NR2C2: variants seen among roughly 807,000 people sequenced by gnomAD.
The protein encoded by NR2C2 is nuclear receptor subfamily 2 group C member 2.
A neutral mutation model predicts 62.9 loss-of-function variants in NR2C2; 6 were observed. The observed-to-expected ratio is 0.10, with a 90% CI of 0.05 to 0.19. The LOEUF (loss-of-function observed/expected upper bound fraction) is 0.19. Ranked by LOEUF, NR2C2 falls within the 10% of genes least tolerant of loss-of-function variation. The pLI, the probability that NR2C2 is intolerant of heterozygous loss-of-function variation, is 1.00. For synonymous variants in NR2C2, 272 were observed against 273.8 expected (o/e 0.99, Z 0.07); for missense variants, 479 against 762.7 (o/e 0.63, Z 4.38).
At chr3:15,006,913 T>A (rs938912559) in intron 2 of NR2C2, among the ~76,000 whole-genome samples, 3 of 149,986 alleles carry the variant, frequency 2.0e-5, no homozygotes, top group African/African-American at 4.9e-5. Context: ...ATAGCTGGGA[T>A]TACAGACATG....
chr3:15,023,301 C>A lies in NR2C2; in HGVS notation c.658C>A (p.Pro220Thr). 1 of 1,614,184 alleles carries A rather than the reference C, an allele frequency of 6.2e-7. No individual in the cohort carries two copies. The highest frequency in any genetic ancestry group is 8.5e-7 in the Non-Finnish European group (1 of 1,180,016). ...CTATATCCGGAAAGACCTGAGAAGT[C>A]CCCTGATAGCTACTCCCACGTTTGT... ...KIYIRKDLRSPLIATPTFVAD... is the reference protein window; with the variant it reads ...KIYIRKDLRSTLIATPTFVAD... Residue 220 changes from proline (P) to threonine (T), a missense_variant, in exon 6 of 14, where the codon CCC (proline) becomes ACC (threonine). Pro to Thr is a conservative substitution (Grantham distance 38). Coordinates refer to ENST00000425241, the MANE Select transcript of NR2C2 (RefSeq NM_001291694.2).
chr3:14,948,081 C>T (rs964810029), intron 1 of NR2C2, 175 bp downstream of exon 1: 7 of 152,146 alleles, frequency 4.6e-5, no homozygotes, highest in African/African-American at 1.4e-4. Flanking sequence ...CCCCTCCCCT[C>T]CCCGCCCGCG....
At chr3:14,971,125 T>C (rs1225853995) in intron 1 of NR2C2, among the ~76,000 whole-genome samples, 28 of 152,182 alleles carry the variant, frequency 1.8e-4, no homozygotes, top group Admixed American at 1.8e-3. Flanking sequence ...TTTTTTTATT[T>C]TTTATTTTTT....
chr3:14,995,558 A>G (rs1359996743), intron 1 of NR2C2, among the ~76,000 whole-genome samples: 1 of 152,084 alleles, frequency 6.6e-6, no homozygotes, highest in African/African-American at 2.4e-5. Flanking sequence ...TGGATATACC[A>G]CATTTTATCT....
At chr3:15,026,665 CA>C (rs1559301590) in intron 7 of NR2C2, 1 of 152,118 alleles carries the variant, frequency 6.6e-6, no homozygotes, top group Non-Finnish European at 1.5e-5. Flanking sequence ...TAGCATGTAT[CA>C]GTACTTCATT....
chr3:15,042,341 C>T (rs1392194587), intron 13 of NR2C2: 1 of 152,378 alleles, frequency 6.6e-6, no homozygotes, highest in African/African-American at 2.4e-5. Flanking sequence ...AATCCCAATA[C>T]CCAGAGCCCA....
At chr3:14,961,015 C>T (rs1469521241) in intron 1 of NR2C2, among the ~76,000 whole-genome samples, 1 of 152,158 alleles carries the variant, frequency 6.6e-6, no homozygotes, top group Admixed American at 6.5e-5. Context: ...AAACAATAAA[C>T]TTATCTCCTC....
At chr3:15,023,428 T>C in intron 6 of NR2C2, 81 bp downstream of exon 6, 4 of 1,514,054 alleles carry the variant, frequency 2.6e-6, no homozygotes, top group Non-Finnish European at 3.6e-6. Flanking sequence ...GGCACTGTTG[T>C]GGCTTCCCAC....
chr3:15,000,136 G>C (rs928351933), intron 1 of NR2C2, among the ~76,000 whole-genome samples: 41 of 152,136 alleles, frequency 2.7e-4, no homozygotes, highest in African/African-American at 9.6e-4. Flanking sequence ...TTCCTCCTAA[G>C]ATTTTGTACC....
chr3:15,002,197 C>T (rs1490868834), intron 1 of NR2C2, among the ~76,000 whole-genome samples: 1 of 152,146 alleles, frequency 6.6e-6, no homozygotes, highest in Non-Finnish European at 1.5e-5. Context: ...GCTAAGTATA[C>T]TGTATAGCTG....
At chr3:14,996,808 C>T (rs1331402526) in intron 1 of NR2C2, among the ~76,000 whole-genome samples, 5 of 152,156 alleles carry the variant, frequency 3.3e-5, no homozygotes, top group Admixed American at 6.5e-5. Context: ...GTGATCCGCC[C>T]GCCTCGGCCT....
intron 11 of NR2C2, 129 bp from the exon 12 acceptor site, chr3:15,037,871 C>G: frequency 3.0e-6 from 3 of 1,001,428 alleles, no homozygotes; most frequent in Non-Finnish European, 4.4e-6. Flanking sequence ...AGCTCTTGTT[C>G]ACCTTGAGAT....
At chr3:15,024,393 C>T (rs931863524) in intron 7 of NR2C2, among the ~76,000 whole-genome samples, 185 bp downstream of exon 7, 1 of 152,234 alleles carries the variant, frequency 6.6e-6, no homozygotes, top group Non-Finnish European at 1.5e-5. Flanking sequence ...GATGGCTTCT[C>T]AGATCAGAGC....
At chr3:15,004,681 T>G in intron 2 of NR2C2, 2 of 1,557,446 alleles carry the variant, frequency 1.3e-6, no homozygotes, top group South Asian at 2.3e-5. Flanking sequence ...CAAAGATTTA[T>G]TGTTATCTCA....
chr3:15,003,220 G>A (rs2041072578), intron 1 of NR2C2, among the ~76,000 whole-genome samples: 1 of 151,884 alleles, frequency 6.6e-6, no homozygotes, highest in Non-Finnish European at 1.5e-5. Context: ...CGAATGCTGG[G>A]ATTATAGGTG....
intron 11 of NR2C2, among the ~76,000 whole-genome samples, chr3:15,035,652 T>C (rs2042084207): frequency 6.6e-6 from 1 of 152,214 alleles, no homozygotes; most frequent in South Asian, 2.1e-4. Flanking sequence ...CCCAGCACTT[T>C]GGGAGGCCAA....
chr3:14,980,930 T>C (rs1215763821), intron 1 of NR2C2, among the ~76,000 whole-genome samples: 1 of 152,210 alleles, frequency 6.6e-6, no homozygotes, highest in East Asian at 1.9e-4. Flanking sequence ...CTGGCCAGTA[T>C]ACTTTGCATT....
intron 1 of NR2C2, among the ~76,000 whole-genome samples, chr3:14,978,522 A>C: frequency 6.6e-6 from 1 of 152,188 alleles, no homozygotes; most frequent in Non-Finnish European, 1.5e-5. Context: ...GAACCATTGT[A>C]AGTTGAGGAC....
chr3:14,963,353 G>A (rs2039742474), intron 1 of NR2C2, among the ~76,000 whole-genome samples: 1 of 152,192 alleles, frequency 6.6e-6, no homozygotes, highest in Non-Finnish European at 1.5e-5. Context: ...ATTAGCCAAA[G>A]GCACTGTATA....
Sources: allele counts gnomAD v4.1 joint callset (sites outside exome capture counted in the v4.1 genomes callset), GRCh38; gene constraint gnomAD v4.1.1; transcripts MANE v1.5; gene names NCBI Gene and HGNC (gene_info 2026-07-23, HGNC 2026-07-21).